FER: variants seen among roughly 807,000 people sequenced by gnomAD.
FER encodes the protein FER tyrosine kinase, also known as tyrosine-protein kinase Fer.
FER carries 63 observed loss-of-function variants against 111.0 expected under a neutral mutation model. That is an observed-to-expected ratio of 0.57 (90% CI 0.46 to 0.70). The LOEUF is 0.70. FER is among the 30% of genes least tolerant of loss of function. The pLI, the probability that FER is intolerant of heterozygous loss-of-function variation, is 0.00. For synonymous variants in FER, 327 were observed against 313.9 expected (o/e 1.04, Z -0.44); for missense variants, 914 against 954.0 (o/e 0.96, Z 0.55).
chr5:108,885,767 A>T (rs935186906), intron 9 of FER, among the ~76,000 whole-genome samples: 4 of 151,904 alleles, frequency 2.6e-5, no homozygotes, highest in African/African-American at 9.7e-5. Flanking sequence ...GCATACAAAC[A>T]TTCAGTCCAT....
chr5:109,014,132 G>C (rs1209198945), intron 13 of FER, among the ~76,000 whole-genome samples: 64 of 151,000 alleles, frequency 4.2e-4, no homozygotes, highest in African/African-American at 1.4e-3. Context: ...ATTGCTTTTG[G>C]TGTTTTAGAC....
intron 16 of FER, among the ~76,000 whole-genome samples, chr5:109,060,931 T>G (rs1003889031): frequency 1.3e-5 from 2 of 152,234 alleles, no homozygotes; most frequent in East Asian, 1.9e-4. Flanking sequence ...CTAATTAAAA[T>G]GCCTGCTATA....
intron 3 of FER, among the ~76,000 whole-genome samples, chr5:108,799,326 A>G (rs570568139): frequency 6.6e-6 from 1 of 152,332 alleles, no homozygotes; most frequent in East Asian, 1.9e-4. Flanking sequence ...TTTAAATATC[A>G]TATTTCACTA....
intron 16 of FER, among the ~76,000 whole-genome samples, chr5:109,069,640 G>A (rs1198743612): frequency 6.6e-6 from 1 of 152,120 alleles, no homozygotes; most frequent in Non-Finnish European, 1.5e-5. Context: ...GAGTCCAAGT[G>A]AGGATAGGTT....
intron 17 of FER, among the ~76,000 whole-genome samples, chr5:109,163,132 G>GA (rs1158410517): frequency 6.6e-6 from 1 of 151,970 alleles, no homozygotes; most frequent in Non-Finnish European, 1.5e-5. Context: ...CATTTCATTA[G>GA]AACAAAACAT....
intron 18 of FER, among the ~76,000 whole-genome samples, chr5:109,184,195 G>A (rs1396999369): frequency 1.3e-5 from 2 of 152,066 alleles, no homozygotes; most frequent in Non-Finnish European, 1.5e-5. Context: ...TGGGTATTTG[G>A]GGCTGATATA....
chr5:108,914,842 G>A (rs1358494201), intron 10 of FER, among the ~76,000 whole-genome samples: 2 of 152,152 alleles, frequency 1.3e-5, no homozygotes, highest in African/African-American at 2.4e-5. Context: ...GTTAAGATAA[G>A]TATATAGGAA....
At chr5:109,187,294 C>G in intron 19 of FER, 139 bp from the exon 20 acceptor site, 1 of 786,902 alleles carries the variant, frequency 1.3e-6, no homozygotes, top group Non-Finnish European at 2.0e-6. Flanking sequence ...AAAAACTCAG[C>G]CTCCCCAGAA....
At chr5:109,145,882 C>T (rs1257547706) in intron 17 of FER, among the ~76,000 whole-genome samples, 1 of 150,214 alleles carries the variant, frequency 6.7e-6, no homozygotes, top group Non-Finnish European at 1.5e-5. Flanking sequence ...TATTTGGCTG[C>T]CTAGAAAATA....
intron 3 of FER, among the ~76,000 whole-genome samples, chr5:108,822,437 G>A (rs995084821): frequency 6.6e-6 from 1 of 152,140 alleles, no homozygotes; most frequent in South Asian, 2.1e-4. Context: ...CCTGGCTTCC[G>A]GTGAGAACTA....
intron 17 of FER, among the ~76,000 whole-genome samples, chr5:109,179,839 C>T (rs1180849717): frequency 2.6e-5 from 4 of 152,010 alleles, no homozygotes; most frequent in East Asian, 1.9e-4. Flanking sequence ...AGGGGGGGTC[C>T]TGGAACCAAT....
intron 13 of FER, among the ~76,000 whole-genome samples, chr5:108,981,418 C>T (rs73778372): frequency 0.022 from 3,287 of 151,816 alleles, 95 homozygotes; most frequent in African/African-American, 0.075. Flanking sequence ...ATACATATTC[C>T]CTCCTTATAT....
intron 10 of FER, among the ~76,000 whole-genome samples, chr5:108,943,704 T>A (rs898588020): frequency 6.6e-6 from 1 of 152,036 alleles, no homozygotes; most frequent in African/African-American, 2.4e-5. Flanking sequence ...TTAGGTATTT[T>A]TTTAATAGAG....
chr5:108,803,896 GT>G (rs1341292066), intron 3 of FER, among the ~76,000 whole-genome samples: 10 of 152,120 alleles, frequency 6.6e-5, no homozygotes, highest in African/African-American at 2.4e-4. Context: ...GATAGGAATA[GT>G]GTTGAATCTG....
chr5:109,166,647 A>G (rs1272456674), intron 17 of FER, among the ~76,000 whole-genome samples: 1 of 152,194 alleles, frequency 6.6e-6, no homozygotes, highest in Non-Finnish European at 1.5e-5. Context: ...AGTTTGGGTC[A>G]ACAGTTTGTG....
rs1448471100 is a variant in FER, at chr5:109,190,865, G to C, written c.*3290G>C. On this transcript the variant is annotated 3_prime_UTR_variant, in exon 20 of 20. Coordinates refer to ENST00000281092, the MANE Select transcript of FER (RefSeq NM_005246.4). ...AAGTATAGACCAGGAGCCTAACTGT[G>C]TTAGATATTTTCAGTGCACATTTCA... 1 of 152,132 alleles carries C rather than the reference G, an allele frequency of 6.6e-6. No homozygotes were observed. Among genetic ancestry groups the C allele is most frequent in the African/African-American group, 2.4e-5 (1 of 41,428 alleles). The allele number at this position is 152,132 out of a possible 1,614,324, so 9.4% of individuals were successfully genotyped here. A position where few individuals can be genotyped will look rare whatever the true frequency, so the allele number is the denominator to read the frequency against.
chr5:108,748,116 C>G (rs1750000175), intron 1 of FER, 116 bp downstream of exon 1: 1 of 152,222 alleles, frequency 6.6e-6, no homozygotes, highest in Non-Finnish European at 1.5e-5. Flanking sequence ...ACTGGGAGTA[C>G]AGGATTGAAA....
At chr5:108,840,622 G>GAT (rs1160480910) in intron 5 of FER, among the ~76,000 whole-genome samples, 2 of 151,660 alleles carry the variant, frequency 1.3e-5, no homozygotes, top group African/African-American at 2.4e-5. Flanking sequence ...ACTTGTCCCT[G>GAT]ATCTATCCCC....
chr5:108,965,502 A>T (rs912404523), intron 13 of FER, among the ~76,000 whole-genome samples: 2 of 152,188 alleles, frequency 1.3e-5, no homozygotes, highest in African/African-American at 4.8e-5. Context: ...TACTGTTGAG[A>T]ATACTCTACC....
Sources: allele counts gnomAD v4.1 joint callset (sites outside exome capture counted in the v4.1 genomes callset), GRCh38; gene constraint gnomAD v4.1.1; transcripts MANE v1.5; gene names NCBI Gene and HGNC (gene_info 2026-07-23, HGNC 2026-07-21).